PDE5A: variants seen among roughly 807,000 people sequenced by gnomAD.
PDE5A encodes phosphodiesterase 5A.
PDE5A carries 67 observed loss-of-function variants against 110.2 expected under a neutral mutation model. That is an observed-to-expected ratio of 0.61 (90% CI 0.50 to 0.75). PDE5A has a LOEUF of 0.75. Among genes scored for constraint, PDE5A ranks in the 30% least tolerant of loss-of-function variants. PDE5A has a pLI of 0.00. For synonymous variants in PDE5A, 328 were observed against 351.2 expected (o/e 0.93, Z 0.74); for missense variants, 862 against 1,045.1 (o/e 0.82, Z 2.42).
chr4:119,500,471 A>AATC, intron 20 of PDE5A, among the ~76,000 whole-genome samples: 1 of 151,810 alleles, frequency 6.6e-6, no homozygotes, highest in East Asian at 1.9e-4. Flanking sequence ...TCAATTACTA[A>AATC]ATCTGAAATA....
At chr4:119,562,808 T>TA in intron 6 of PDE5A, 25 bp downstream of exon 6, 3 of 1,481,792 alleles carry the variant, frequency 2.0e-6, no homozygotes, top group Non-Finnish European at 2.7e-6. Context: ...TTTCTAAAAA[T>TA]AAAAAAGTCA....
In PDE5A at chr4:119,525,473, T is replaced by G; in HGVS notation, c.1779+76A>C. The G allele has an allele frequency of 7.2e-7, 1 of 1,397,102 alleles. No individual in the cohort carries two copies. The highest frequency in any genetic ancestry group is 9.8e-7 in the Non-Finnish European group (1 of 1,024,618). The allele number at this position is 1,397,102 out of a possible 1,614,324, so 86.5% of individuals were successfully genotyped here. A position where few individuals can be genotyped will look rare whatever the true frequency, so the allele number is the denominator to read the frequency against. ...AAAAATCCCTATTCCATATTTGCAT[T>G]CAAAACCAATTCTCTCTCTTACATA... On this transcript the variant is annotated intron_variant, in intron 12 of 20. Coordinates refer to ENST00000354960, the MANE Select transcript of PDE5A (RefSeq NM_001083.4). This position sits in a 1 kb window ranked among gnomAD's most constrained non-coding sequence, Gnocchi z 4.3.
intron 9 of PDE5A, among the ~76,000 whole-genome samples, chr4:119,546,464 T>C (rs540018124): frequency 2.6e-5 from 4 of 152,164 alleles, no homozygotes; most frequent in Non-Finnish European, 5.9e-5. Context: ...TCATCAATCT[T>C]GGCATGTCTT....
At chr4:119,570,405 A>T (rs1728099697) in intron 3 of PDE5A, among the ~76,000 whole-genome samples, 1 of 152,142 alleles carries the variant, frequency 6.6e-6, no homozygotes, top group Admixed American at 6.5e-5. Flanking sequence ...ACTTTTGCCT[A>T]CCTGCTGGCT....
chr4:119,577,207 C>T (rs1728389385), intron 3 of PDE5A, among the ~76,000 whole-genome samples: 1 of 62,392 alleles, frequency 1.6e-5, no homozygotes, highest in Admixed American at 2.2e-4. Flanking sequence ...GCTTACCAAC[C>T]AAAAAAAGTC....
chr4:119,599,561 T>C (rs1242509724), intron 2 of PDE5A, among the ~76,000 whole-genome samples: 1 of 152,022 alleles, frequency 6.6e-6, no homozygotes, highest in African/African-American at 2.4e-5. Context: ...AGTTCATTAA[T>C]ACATTTAACA....
chr4:119,565,682 C>T (rs959313821), intron 4 of PDE5A, among the ~76,000 whole-genome samples: 15 of 151,866 alleles, frequency 9.9e-5, no homozygotes, highest in African/African-American at 3.6e-4. Flanking sequence ...ACAATTTATT[C>T]CATGCAAAAT....
At chr4:119,532,564 G>C (rs1454942602) in intron 11 of PDE5A, among the ~76,000 whole-genome samples, 1 of 151,886 alleles carries the variant, frequency 6.6e-6, no homozygotes, top group Non-Finnish European at 1.5e-5. Flanking sequence ...CAAGTATAGA[G>C]AGTGCCTTTT....
At position 119,504,394 on chromosome 4, in the gene PDE5A, A is replaced by G. The variant is rs1725485238; in HGVS notation, c.2331+142T>C. Reference sequence around the variant, plus strand: ...AGTTCCATGACTTTGCTATTATATAATAAATGGTGCTGTGATGAACATATA... The same window carrying G: ...AGTTCCATGACTTTGCTATTATATAGTAAATGGTGCTGTGATGAACATATA... On this transcript the variant is annotated intron_variant, in intron 18 of 20. Coordinates refer to ENST00000354960, the MANE Select transcript of PDE5A (RefSeq NM_001083.4). The G allele has an allele frequency of 1.2e-5, 7 of 596,968 alleles. No individual in the cohort carries two copies. In the South Asian group the frequency reaches 1.7e-4, roughly 14 times the overall value. 37.0% of individuals were successfully genotyped at this position (596,968 alleles called of 1,614,324 possible). A position where few individuals can be genotyped will look rare whatever the true frequency, so the allele number is the denominator to read the frequency against.
chr4:119,503,512 G>C (rs1246153801), intron 18 of PDE5A, among the ~76,000 whole-genome samples: 1 of 152,046 alleles, frequency 6.6e-6, no homozygotes, highest in African/African-American at 2.4e-5. Context: ...TTAGAGCTGA[G>C]GCACAGCGTA....
At chr4:119,544,659 C>A (rs781748601) in intron 9 of PDE5A, among the ~76,000 whole-genome samples, 1 of 152,094 alleles carries the variant, frequency 6.6e-6, no homozygotes, top group East Asian at 1.9e-4. Context: ...TTTTCATAAA[C>A]AAGATTTTAA....
chr4:119,542,848 G>A (rs1044608127), intron 9 of PDE5A, among the ~76,000 whole-genome samples: 2 of 151,954 alleles, frequency 1.3e-5, no homozygotes, highest in African/African-American at 2.4e-5. Context: ...TACATTGCTG[G>A]CGTTCAAAAA....
chr4:119,579,484 A>G (rs1003816530), intron 3 of PDE5A, among the ~76,000 whole-genome samples: 2 of 152,110 alleles, frequency 1.3e-5, no homozygotes, highest in African/African-American at 4.8e-5. Context: ...TGTGGCACAT[A>G]TACACCATGG....
chr4:119,609,483 G>C (rs1200383696), intron 1 of PDE5A, among the ~76,000 whole-genome samples: 6 of 152,112 alleles, frequency 3.9e-5, no homozygotes, highest in African/African-American at 1.2e-4. Context: ...TTATTTCTGA[G>C]TCTTTACTAA....
At chr4:119,554,860 G>A (rs1294126383) in intron 7 of PDE5A, among the ~76,000 whole-genome samples, 3 of 152,160 alleles carry the variant, frequency 2.0e-5, no homozygotes, top group Non-Finnish European at 4.4e-5. Flanking sequence ...ATAGGTTATA[G>A]GCAAATACTA....
chr4:119,504,499 A>T (rs377091278), intron 18 of PDE5A, 37 bp downstream of exon 18: 2 of 1,528,528 alleles, frequency 1.3e-6, no homozygotes, highest in Non-Finnish European at 9.0e-7. Flanking sequence ...TGTTATTTTG[A>T]CTTTTTAATT....
chr4:119,501,344 T>C, intron 19 of PDE5A, 91 bp from the exon 20 acceptor site: 1 of 780,162 alleles, frequency 1.3e-6, no homozygotes, highest in Non-Finnish European at 2.2e-6. Flanking sequence ...GGAGTCTCAC[T>C]CTGTTGTCCA....
At position 119,525,490 on chromosome 4, in the gene PDE5A, T is replaced by C; in HGVS notation, c.1779+59A>G. Reference sequence around the variant, plus strand: ...ATTTGCATTCAAAACCAATTCTCTCTCTTACATACACACACACATACACAT... The same window carrying C: ...ATTTGCATTCAAAACCAATTCTCTCCCTTACATACACACACACATACACAT... On this transcript the variant is annotated intron_variant, in intron 12 of 20. Transcript: ENST00000354960. This position sits in a 1 kb window ranked among gnomAD's most constrained non-coding sequence, Gnocchi z 4.3. The C allele has an allele frequency of 6.7e-7, 1 of 1,489,364 alleles. No homozygotes were observed. Among genetic ancestry groups the C allele is most frequent in the South Asian group, 1.3e-5 (1 of 75,346 alleles). The allele number at this position is 1,489,364 out of a possible 1,614,324, so 92.3% of individuals were successfully genotyped here. A position where few individuals can be genotyped will look rare whatever the true frequency, so the allele number is the denominator to read the frequency against.
In PDE5A at chr4:119,619,838, A is replaced by G. The variant is rs1007288689; in HGVS notation, c.152+8682T>C. On this transcript the variant is annotated intron_variant, in intron 1 of 20. Coordinates refer to ENST00000354960, the MANE Select transcript of PDE5A (RefSeq NM_001083.4). ...TACAGAGAGAGTAAATAATGCACCT[A>G]AAGTCTTCCTCTTAGAAAAGTAGGT... 5.3e-5 allele frequency among the ~76,000 whole-genome samples: 8 copies of G among 152,340 alleles called. 1 individual carries two copies. Among genetic ancestry groups the G allele is most frequent in the African/African-American group, 1.9e-4 (8 of 41,578 alleles).
Sources: gnomAD v4.1 joint callset for allele counts (sites outside exome capture counted in the v4.1 genomes callset) on GRCh38, gnomAD v4.1.1 for gene constraint, Gnocchi (gnomAD v3.1) non-coding constraint, MANE v1.5 for transcripts, NCBI Gene and HGNC (gene_info 2026-07-23, HGNC 2026-07-21) for gene names.